Variants in RBM19 observed in about 807,000 individuals in gnomAD.
The protein encoded by RBM19 is probable RNA-binding protein 19.
Under a neutral mutation model 116.8 loss-of-function variants are expected in RBM19, and 94 were observed. The ratio of observed to expected loss-of-function variants is 0.80; its 90% CI spans 0.68 to 0.95. RBM19 has a LOEUF of 0.95. Ranked by LOEUF, RBM19 falls within the 40% of genes least tolerant of loss-of-function variation. The probability of loss-of-function intolerance (pLI) is 0.00; values close to 1 mark genes in which losing one functional copy is unlikely to be tolerated. For missense variants in RBM19, 1,161 were observed against 1,220.7 expected, an observed-to-expected ratio of 0.95 and a Z score of 0.73; for synonymous variants, 475 against 494.1, an observed-to-expected ratio of 0.96 and a Z score of 0.51.
chr12:113,962,468 G>A (rs1477944708), intron 1 of RBM19, 54 bp from the exon 2 acceptor site: 2 of 1,539,302 alleles, frequency 1.3e-6, no homozygotes, highest in Non-Finnish European at 1.8e-6. Context: ...CAGAGCAAGG[G>A]GACAAAATGG....
chr12:113,950,061 C>A (rs765690299), intron 9 of RBM19, 22 bp downstream of exon 9: 1 of 1,567,014 alleles, frequency 6.4e-7, no homozygotes, highest in Non-Finnish European at 8.8e-7. Context: ...ACAGAGAGAG[C>A]ACATGGCCAG....
chr12:113,848,005 G>A (rs1272984255), intron 22 of RBM19, among the ~76,000 whole-genome samples: 3 of 152,188 alleles, frequency 2.0e-5, no homozygotes, highest in African/African-American at 7.2e-5. Context: ...CTGCTGGCCT[G>A]CCTTGGTTCA....
chr12:113,913,236 C>T (rs541860774), intron 21 of RBM19, among the ~76,000 whole-genome samples: 16 of 152,294 alleles, frequency 1.1e-4, no homozygotes, highest in Admixed American at 9.8e-4. Flanking sequence ...TTAGCAAGCC[C>T]GTTTTAATCT....
In RBM19 at chr12:113,825,176, T is replaced by C. The variant is rs1370192611; in HGVS notation, c.2786-1855A>G. On this transcript the variant is annotated intron_variant, in intron 23 of 23. Coordinates refer to ENST00000261741, the MANE Select transcript of RBM19 (RefSeq NM_016196.4). The surrounding 1 kb of genome is among the most constrained non-coding windows in gnomAD (Gnocchi z 5.7). ...TTGTGAAATATCCCAGAAAGGGGAA[T>C]GAGCGGACGGAGCAAGGGTGAGAGA... Among the ~76,000 whole-genome samples, 1 of 152,232 alleles carries C rather than the reference T, an allele frequency of 6.6e-6. No homozygotes were observed. The highest frequency in any genetic ancestry group is 2.4e-5 in the African/African-American group (1 of 41,468).
At chr12:113,907,368 C>A (rs12297057) in intron 21 of RBM19, among the ~76,000 whole-genome samples, 10,610 of 152,166 alleles carry the variant, frequency 0.07, 1,250 homozygotes, top group African/African-American at 0.24. Flanking sequence ...AGCAATGCAC[C>A]TGGTACAGAG....
intron 21 of RBM19, among the ~76,000 whole-genome samples, chr12:113,909,619 C>T (rs866616291): frequency 1.1e-4 from 17 of 152,174 alleles, no homozygotes; most frequent in Non-Finnish European, 2.9e-5. Flanking sequence ...GACTGTGAAC[C>T]TGTGGATGTC....
intron 23 of RBM19, among the ~76,000 whole-genome samples, chr12:113,844,348 G>A (rs1876760493): frequency 6.6e-6 from 1 of 152,254 alleles, no homozygotes; most frequent in Non-Finnish European, 1.5e-5. Flanking sequence ...CTGTGACCTG[G>A]CAACCTGGCA....
chr12:113,893,589 T>C (rs115358181), intron 21 of RBM19, among the ~76,000 whole-genome samples: 8,722 of 152,286 alleles, frequency 0.057, 845 homozygotes, highest in African/African-American at 0.2. Flanking sequence ...AATTTTTTGC[T>C]ATCATAAGCA....
At chr12:113,866,492 T>C (rs1878818781) in intron 21 of RBM19, among the ~76,000 whole-genome samples, 1 of 152,198 alleles carries the variant, frequency 6.6e-6, no homozygotes, top group African/African-American at 2.4e-5. Flanking sequence ...CAGACTCTCC[T>C]GAGAGGCTCT....
At chr12:113,831,998 T>G (rs559635023) in intron 23 of RBM19, among the ~76,000 whole-genome samples, 136 of 152,210 alleles carry the variant, frequency 8.9e-4, no homozygotes, top group African/African-American at 2.1e-3. Context: ...GGAACTGCCT[T>G]GACCGAAAGA....
intron 9 of RBM19, 46 bp from the exon 10 acceptor site, chr12:113,949,082 G>A: frequency 6.6e-7 from 1 of 1,519,090 alleles, no homozygotes; most frequent in Non-Finnish European, 9.0e-7. Flanking sequence ...CCTAGAACTT[G>A]CCAGCAACTC....
intron 19 of RBM19, among the ~76,000 whole-genome samples, chr12:113,919,798 C>T (rs1882999497): frequency 6.6e-6 from 1 of 152,032 alleles, no homozygotes; most frequent in Admixed American, 6.6e-5. Flanking sequence ...CCACCTTCTC[C>T]CCAACTGGCC....
chr12:113,940,757 C>T (rs996140891), intron 14 of RBM19, among the ~76,000 whole-genome samples: 18 of 152,188 alleles, frequency 1.2e-4, no homozygotes, highest in Non-Finnish European at 1.9e-4. Flanking sequence ...TTCTGCACTG[C>T]CCCCAAAACT....
At chr12:113,819,221 G>A (rs943548956), downstream of RBM19, among the ~76,000 whole-genome samples, 4 of 152,206 alleles carry the variant, frequency 2.6e-5, no homozygotes, top group African/African-American at 9.6e-5. Flanking sequence ...AGCTAACTGA[G>A]CCACACTCTG....
intron 1 of RBM19, among the ~76,000 whole-genome samples, chr12:113,962,785 C>CTA (rs777256137): frequency 1.7e-4 from 26 of 152,260 alleles, no homozygotes; most frequent in Admixed American, 3.9e-4. Context: ...GCATGGTAAG[C>CTA]TATATATATC....
chr12:113,830,737 G>A (rs1409702956), intron 23 of RBM19, among the ~76,000 whole-genome samples: 4 of 152,216 alleles, frequency 2.6e-5, no homozygotes, highest in African/African-American at 4.8e-5. Context: ...ACCAGGAAAG[G>A]TGGGAAGGCA....
intron 10 of RBM19, among the ~76,000 whole-genome samples, chr12:113,948,466 G>A (rs1871223110): frequency 6.6e-6 from 1 of 152,190 alleles, no homozygotes; most frequent in African/African-American, 2.4e-5. Flanking sequence ...TATTCATCAG[G>A]TGAAACCTGT....
rs376588204 is a variant in RBM19, at chr12:113,940,099, G to T, written c.1799C>A (p.Ala600Glu). Residue 600 changes from alanine to glutamate, a missense_variant, in exon 15 of 24, where the codon GCG (alanine) becomes GAG (glutamate). Transcript: ENST00000261741. Reference protein sequence around the residue: ...LVKNLPAGTLAAQLQETFGHF... With the variant: ...LVKNLPAGTLEAQLQETFGHF... ...GCCGAAGGTCTCCTGCAGCTGGGCC[G>T]CCAGGGTGCCTGCCGGGAGGTTCTT... 3.1e-6 allele frequency: 5 copies of T among 1,614,064 alleles called. No individual in the cohort carries two copies. The highest frequency in any genetic ancestry group is 4.2e-6 in the Non-Finnish European group (5 of 1,179,966).
chr12:113,901,386 G>A (rs2135825875), intron 21 of RBM19, among the ~76,000 whole-genome samples: 1 of 152,212 alleles, frequency 6.6e-6, no homozygotes, highest in Non-Finnish European at 1.5e-5. Flanking sequence ...CTAAAGCCTA[G>A]AGGATTCTAC....
Sources: gnomAD v4.1 joint callset for allele counts (sites outside exome capture counted in the v4.1 genomes callset) on GRCh38, gnomAD v4.1.1 for gene constraint, Gnocchi (gnomAD v3.1) non-coding constraint, MANE v1.5 for transcripts, NCBI Gene and HGNC (gene_info 2026-07-23, HGNC 2026-07-21) for gene names.